The following TRPM3 variants were observed in gnomAD, a reference collection of about 807,000 sequenced individuals.
The protein encoded by TRPM3 is transient receptor potential cation channel subfamily M member 3, also known as long transient receptor potential channel 3.
TRPM3 carries 77 observed loss-of-function variants against 181.2 expected under a neutral mutation model. That is an observed-to-expected ratio of 0.42 (90% confidence interval 0.35 to 0.51). The LOEUF (loss-of-function observed/expected upper bound fraction) is 0.51, where lower values mean the gene tolerates loss of function less well. Ranked by LOEUF, TRPM3 falls within the 20% of genes least tolerant of loss-of-function variation. The pLI is 0.01. For missense variants in TRPM3, 1,759 were observed against 2,196.7 expected, an observed-to-expected ratio of 0.80 and a Z score of 3.98; for synonymous variants, 745 against 796.4, an observed-to-expected ratio of 0.94 and a Z score of 1.09.
intron 5 of TRPM3, among the ~76,000 whole-genome samples, chr9:70,837,061 A>T (rs977226452): frequency 6.6e-6 from 1 of 152,096 alleles, no homozygotes; most frequent in Non-Finnish European, 1.5e-5. Context: ...ATTATAACAG[A>T]TTTGGGCGGG....
intron 1 of TRPM3, among the ~76,000 whole-genome samples, chr9:71,047,856 A>T (rs72731757): frequency 0.081 from 10,898 of 134,444 alleles, 427 homozygotes; most frequent in Middle Eastern, 0.11. Context: ...ACACACACAC[A>T]CACTCACACA....
At chr9:71,159,818 T>C (rs924208190) in intron 1 of TRPM3, among the ~76,000 whole-genome samples, 9 of 152,150 alleles carry the variant, frequency 5.9e-5, no homozygotes, top group South Asian at 4.1e-4. Flanking sequence ...ATGTGGAGAT[T>C]ATGTTGACTC....
chr9:70,775,438 T>TGG, intron 7 of TRPM3: 1 of 152,238 alleles, frequency 6.6e-6, no homozygotes, highest in Admixed American at 6.5e-5. Flanking sequence ...GTAGGGTGAA[T>TGG]GGAAGGTTTG....
At chr9:71,394,395 A>G (rs1340905768) in intron 1 of TRPM3, among the ~76,000 whole-genome samples, 1 of 152,204 alleles carries the variant, frequency 6.6e-6, no homozygotes, top group Non-Finnish European at 1.5e-5. Context: ...TTTTTCCAAA[A>G]TGTTTGGCAT....
At chr9:70,646,786 G>A (rs1307693575) in intron 9 of TRPM3, among the ~76,000 whole-genome samples, 1 of 150,338 alleles carries the variant, frequency 6.7e-6, no homozygotes, top group East Asian at 1.9e-4. Context: ...TAGACCACTA[G>A]CTAGACTAAT....
intron 23 of TRPM3, 44 bp downstream of exon 23, chr9:70,553,116 C>G: frequency 6.2e-7 from 1 of 1,613,924 alleles, no homozygotes; most frequent in East Asian, 2.2e-5. Context: ...CCCTTCACCC[C>G]TGCTGTCCTC....
intron 1 of TRPM3, among the ~76,000 whole-genome samples, chr9:70,994,942 A>G (rs1177326996): frequency 1.3e-5 from 2 of 152,208 alleles, no homozygotes; most frequent in Non-Finnish European, 2.9e-5. Context: ...CCTGCAGGGC[A>G]TGTTCTCCAT....
intron 1 of TRPM3, among the ~76,000 whole-genome samples, chr9:71,343,312 G>A (rs935523801): frequency 1.3e-5 from 2 of 152,088 alleles, no homozygotes; most frequent in Non-Finnish European, 2.9e-5. Flanking sequence ...GAAAAAGAAA[G>A]AACTAGTCCA....
At chr9:71,341,975 A>C (rs919008435) in intron 1 of TRPM3, among the ~76,000 whole-genome samples, 1 of 151,800 alleles carries the variant, frequency 6.6e-6, no homozygotes, top group African/African-American at 2.4e-5. Context: ...TGAGGCAGAG[A>C]GGATGAGCAA....
intron 1 of TRPM3, among the ~76,000 whole-genome samples, chr9:71,420,773 GAGAA>G (rs1226192426): frequency 5.3e-5 from 5 of 94,442 alleles, no homozygotes; most frequent in African/African-American, 1.8e-4. Flanking sequence ...GAGAAAGAGA[GAGAA>G]AGAGAGAGAA....
intron 9 of TRPM3, among the ~76,000 whole-genome samples, chr9:70,658,643 T>C (rs140388078): frequency 0.018 from 2,742 of 152,210 alleles, 95 homozygotes; most frequent in African/African-American, 0.06. Context: ...ATTGTGTCTT[T>C]GACTATGGCT....
chr9:71,096,719 A>G (rs529769825), intron 1 of TRPM3, among the ~76,000 whole-genome samples: 1 of 151,768 alleles, frequency 6.6e-6, no homozygotes, highest in East Asian at 1.9e-4. Context: ...TGTTGCAATC[A>G]TTATCTGTAA....
chr9:71,133,712 T>C (rs1172758707), intron 1 of TRPM3, among the ~76,000 whole-genome samples: 1 of 152,220 alleles, frequency 6.6e-6, no homozygotes, highest in East Asian at 1.9e-4. Context: ...GTTTTCCACA[T>C]AGCTTTTAAT....
intron 12 of TRPM3, among the ~76,000 whole-genome samples, chr9:70,628,296 G>T (rs2065035157): frequency 6.6e-6 from 1 of 152,188 alleles, no homozygotes; most frequent in Admixed American, 6.5e-5. Context: ...TGAGGAGGAA[G>T]CACACCAGTT....
intron 1 of TRPM3, among the ~76,000 whole-genome samples, chr9:71,187,233 CTACATTCAA>C (rs369986978): frequency 7.2e-5 from 11 of 152,088 alleles, no homozygotes; most frequent in Middle Eastern, 3.4e-3. Flanking sequence ...ATTGGTTAAT[CTACATTCAA>C]GAGGAGGTAT....
intron 1 of TRPM3, among the ~76,000 whole-genome samples, chr9:71,217,676 G>C (rs1230992474): frequency 1.3e-5 from 2 of 152,230 alleles, no homozygotes; most frequent in Admixed American, 1.3e-4. Context: ...AAATCCAGCT[G>C]TCCTGATGAA....
chr9:71,369,950 T>C (rs2092458934), intron 1 of TRPM3, among the ~76,000 whole-genome samples: 3 of 152,216 alleles, frequency 2.0e-5, no homozygotes, highest in Admixed American at 1.3e-4. Flanking sequence ...CTTACAGTAG[T>C]TCGAACTTTC....
Position 70,784,210 on chromosome 9 carries a change from A to G in TRPM3, c.1043T>C (p.Leu348Ser), listed in dbSNP as rs368694988. The change falls in exon 7 of 26, where the codon TTG becomes TCG. Residue 348 changes from leucine (L) to serine (S), a missense_variant. Leu to Ser is a moderately radical substitution (Grantham distance 145). Around this residue, in one of 8 missense-constraint regions of TRPM3, gnomAD observed 737 missense variants for 957.4 expected, o/e 0.77. Transcript: ENST00000677713. ...GGGAGGGGTGTCTCGAAGGTACTCC[A>G]AAACAATCGAGATCACATTGGGTCC... ...EGGPNVISIV[L>S]EYLRDTPPVP... is the part of the protein sequence containing the mutation. 17 of 1,613,836 alleles carry G rather than the reference A, an allele frequency of 1.1e-5. No homozygotes were observed. Among genetic ancestry groups the G allele is most frequent in the Non-Finnish European group, 1.4e-5 (16 of 1,179,820 alleles).
chr9:71,065,885 T>C (rs1040556218), intron 1 of TRPM3, among the ~76,000 whole-genome samples: 11 of 152,118 alleles, frequency 7.2e-5, no homozygotes, highest in Admixed American at 6.6e-5. Context: ...GAGACTGATA[T>C]GCTAGAAAAA....
Sources: gnomAD v4.1 joint callset for allele counts (sites outside exome capture counted in the v4.1 genomes callset) on GRCh38, gnomAD v4.1.1 for gene constraint, gnomAD v4.1.1 regional missense constraint, MANE v1.5 for transcripts, NCBI Gene and HGNC (gene_info 2026-07-23, HGNC 2026-07-21) for gene names.